Variants in UNC5D observed in about 807,000 individuals in gnomAD.
The protein encoded by UNC5D is unc-5 netrin receptor D.
UNC5D carries 39 observed loss-of-function variants against 105.4 expected under a neutral mutation model. The observed-to-expected ratio is 0.37, with a 90% confidence interval of 0.29 to 0.48. UNC5D has a LOEUF of 0.48. Ranked by LOEUF, UNC5D falls within the 20% of genes least tolerant of loss-of-function variation. The pLI is 0.98. For missense variants in UNC5D, 991 were observed against 1,202.4 expected (o/e 0.82, Z 2.60); for synonymous variants, 452 against 450.4 (o/e 1.00, Z -0.04).
At chr8:35,470,418 G>T (rs1014908953) in intron 1 of UNC5D, among the ~76,000 whole-genome samples, 8 of 151,844 alleles carry the variant, frequency 5.3e-5, no homozygotes, top group African/African-American at 1.9e-4. Flanking sequence ...TGAGATTATG[G>T]TCTAGCAGGG....
intron 1 of UNC5D, among the ~76,000 whole-genome samples, chr8:35,502,700 A>T (rs1812048057): frequency 6.6e-6 from 1 of 151,078 alleles, no homozygotes; most frequent in African/African-American, 2.4e-5. Flanking sequence ...CTGGGACTAC[A>T]GGTGCACACC....
intron 1 of UNC5D, among the ~76,000 whole-genome samples, chr8:35,384,933 G>T (rs938916585): frequency 6.6e-6 from 1 of 152,174 alleles, no homozygotes; most frequent in South Asian, 2.1e-4. Context: ...CAGTTACATG[G>T]GAGCTCTCTG....
chr8:35,377,516 G>A lies in UNC5D; in HGVS notation c.103+141629G>A, dbSNP rs183310294. Reference sequence around the variant, plus strand: ...TTGCAGCTCAGTGGGAAAGCTCCCCGTGCCACATTCCAGCATGTTGACCTC... The same window carrying A: ...TTGCAGCTCAGTGGGAAAGCTCCCCATGCCACATTCCAGCATGTTGACCTC... On this transcript the variant is annotated intron_variant, in intron 1 of 16. Coordinates refer to ENST00000404895, the MANE Select transcript of UNC5D (RefSeq NM_080872.4). Among the ~76,000 whole-genome samples, 584 of 152,250 alleles carry A rather than the reference G, an allele frequency of 3.8e-3. 6 individuals are homozygous for A. The highest frequency in any genetic ancestry group is 0.013 in the African/African-American group (556 of 41,548).
rs146683397 is a variant in UNC5D at position 35,406,592 on chromosome 8, T to C, written c.104-142700T>C. ...GTACCAGCTTCAGCTTCAAAAAGTA[T>C]ATTTCCCAGAGAGAATCTCGGACTG... On this transcript the variant is annotated intron_variant, in intron 1 of 16. Transcript: ENST00000404895. Among the ~76,000 whole-genome samples the C allele has an allele frequency of 3.2e-3, 487 of 152,248 alleles. 2 individuals carry two copies. The highest frequency in any genetic ancestry group is 0.011 in the African/African-American group (461 of 41,542).
In UNC5D at chr8:35,759,463, C is replaced by T; in HGVS notation, c.2307C>T (p.Ala769=). 6.2e-7 allele frequency: 1 copy of T among 1,612,196 alleles called. No individual in the cohort carries two copies. Among genetic ancestry groups the T allele is most frequent in the East Asian group, 2.2e-5 (1 of 44,832 alleles). ...TCTGGAGAATTAAACCATTCACTGCCTGCCAGGTACTGGCCAAATGGGTTT... is the reference window on the plus strand; with the variant it reads ...TCTGGAGAATTAAACCATTCACTGCTTGCCAGGTACTGGCCAAATGGGTTT... ...PFLWRIKPFT[A]CQEVPFSRVW... is the part of the protein sequence containing the mutation. The change falls in exon 14 of 17, where the codon GCC becomes GCT. Residue 769 remains alanine, a synonymous_variant. Coordinates refer to ENST00000404895, the MANE Select transcript of UNC5D (RefSeq NM_080872.4).
intron 1 of UNC5D, 144 bp downstream of exon 1, chr8:35,236,031 G>A: frequency 1.4e-6 from 1 of 690,996 alleles, no homozygotes; most frequent in Non-Finnish European, 2.0e-6. Flanking sequence ...GGAGCCGAGT[G>A]GAGGACTCCG....
At chr8:35,260,498 T>G (rs550522384) in intron 1 of UNC5D, among the ~76,000 whole-genome samples, 1 of 152,122 alleles carries the variant, frequency 6.6e-6, no homozygotes, top group Non-Finnish European at 1.5e-5. Context: ...TGAGATGGAG[T>G]CTCGCTCTAT....
chr8:35,767,039 C>T lies in UNC5D; in HGVS notation c.2451C>T (p.Ile817=). 6.2e-7 allele frequency: 1 copy of T among 1,613,618 alleles called. No individual in the cohort carries two copies. Among genetic ancestry groups the T allele is most frequent in the African/African-American group, 1.3e-5 (1 of 75,052 alleles). Residue 817 remains isoleucine, a synonymous_variant, in exon 15 of 17, where the codon ATC becomes ATT. Transcript: ENST00000404895. ...GGCAGCTCAAAGGCCATGAACAGAT[C>T]CTCCAAGTGCAGACATCAATCCTAG... The part of the protein sequence containing the change: ...CIRQLKGHEQ[I]LQVQTSILES...
At chr8:35,326,608 G>T (rs758470479) in intron 1 of UNC5D, among the ~76,000 whole-genome samples, 10 of 152,066 alleles carry the variant, frequency 6.6e-5, no homozygotes, top group African/African-American at 9.7e-5. Context: ...AAAAATAAAA[G>T]CCAAGCTTGG....
intron 16 of UNC5D, among the ~76,000 whole-genome samples, chr8:35,787,422 T>C (rs140989150): frequency 3.6e-4 from 55 of 152,248 alleles, no homozygotes; most frequent in Non-Finnish European, 7.5e-4. Context: ...TAAAAGAAGA[T>C]TGTCACACAG....
In UNC5D at chr8:35,719,141, T is replaced by TACACACACACAC. The variant is rs57660135; in HGVS notation, c.1118-3034_1118-3023dup. 2.5e-3 allele frequency among the ~76,000 whole-genome samples: 332 copies of TACACACACACAC among 133,156 alleles called. 2 individuals carry two copies. Among genetic ancestry groups the TACACACACACAC allele is most frequent in the Non-Finnish European group, 3.2e-3 (197 of 61,994 alleles). The allele number at this position is 133,156 out of a possible 152,430, so 87.4% of individuals were successfully genotyped here. On this transcript the variant is annotated intron_variant, in intron 8 of 16. Transcript: ENST00000404895. The stretch of plus-strand genomic sequence containing the variant: ...CACTGCTTACATGCACATGTGCTTA[T>TACACACACACAC]ACACACACACACACACACACACACA...
At chr8:35,483,438 A>G (rs1810626786) in intron 1 of UNC5D, among the ~76,000 whole-genome samples, 1 of 152,152 alleles carries the variant, frequency 6.6e-6, no homozygotes, top group South Asian at 2.1e-4. Context: ...TGTGAGAGAG[A>G]TCAGTCATGT....
chr8:35,549,331 C>T lies in UNC5D; in HGVS notation c.143C>T (p.Ser48Leu). 6.2e-7 allele frequency: 1 copy of T among 1,613,494 alleles called. No homozygotes were observed. Among genetic ancestry groups the T allele is most frequent in the East Asian group, 2.2e-5 (1 of 44,884 alleles). Residue 48 changes from serine (S) to leucine (L), a missense_variant, in exon 2 of 17, where the codon TCA becomes TTA. Physicochemically the swap from Ser to Leu is moderately radical, Grantham distance 145 (BLOSUM62 -2). Transcript: ENST00000404895. ...NGEALPESIP[S>L]APGTLPHFIE... ...GAAGCCCTTCCCGAATCCATCCCAT[C>T]AGCTCCTGGGACACTGCCTCATTTC... is the stretch of plus-strand genomic sequence containing the variant.
chr8:35,712,320 T>C (rs1342881150), intron 8 of UNC5D, among the ~76,000 whole-genome samples: 1 of 152,180 alleles, frequency 6.6e-6, no homozygotes, highest in Non-Finnish European at 1.5e-5. Flanking sequence ...ATTTTATTCA[T>C]TCATGTAGAA....
chr8:35,356,774 A>G (rs1801583223), intron 1 of UNC5D, among the ~76,000 whole-genome samples: 1 of 152,046 alleles, frequency 6.6e-6, no homozygotes, highest in Non-Finnish European at 1.5e-5. Context: ...AGTAAGGGTG[A>G]CTTGAACACA....
chr8:35,273,426 C>T (rs572658876), intron 1 of UNC5D, among the ~76,000 whole-genome samples: 1 of 152,278 alleles, frequency 6.6e-6, no homozygotes, highest in African/African-American at 2.4e-5. Context: ...CTTGCCCCAA[C>T]TTTTCATTTT....
chr8:35,590,036 T>C (rs1038555955), intron 3 of UNC5D, among the ~76,000 whole-genome samples: 9 of 152,112 alleles, frequency 5.9e-5, no homozygotes, highest in African/African-American at 1.9e-4. Context: ...TATTGATGGT[T>C]CCAAAATTTG....
chr8:35,601,452 G>C (rs531054624), intron 4 of UNC5D, among the ~76,000 whole-genome samples: 2 of 152,236 alleles, frequency 1.3e-5, no homozygotes, highest in South Asian at 4.1e-4. Flanking sequence ...TCTTCCATTT[G>C]TTTGTATCCT....
At chr8:35,422,296 A>G (rs1319154647) in intron 1 of UNC5D, among the ~76,000 whole-genome samples, 1 of 152,178 alleles carries the variant, frequency 6.6e-6, no homozygotes, top group Non-Finnish European at 1.5e-5. Flanking sequence ...TCATGCTTAG[A>G]AAGAGGTTGG....
Sources: allele counts gnomAD v4.1 joint callset (sites outside exome capture counted in the v4.1 genomes callset), GRCh38; gene constraint gnomAD v4.1.1; transcripts MANE v1.5; gene names NCBI Gene and HGNC (gene_info 2026-07-23, HGNC 2026-07-21).